The following KDM4C variants were observed in gnomAD, a reference collection of about 807,000 sequenced individuals.
KDM4C encodes the protein lysine demethylase 4C.
Under a neutral mutation model 129.3 loss-of-function variants are expected in KDM4C, and 81 were observed. The observed-to-expected ratio is 0.63, with a 90% CI of 0.52 to 0.75. The LOEUF (loss-of-function observed/expected upper bound fraction) is 0.75. Among genes scored for constraint, KDM4C ranks in the 30% least tolerant of loss-of-function variants. KDM4C has a pLI of 0.00. For synonymous variants in KDM4C, 573 were observed against 456.1 expected (o/e 1.26, Z -3.26); for missense variants, 1,457 against 1,304.0 (o/e 1.12, Z -1.81).
intron 11 of KDM4C, chr9:6,987,009 C>A (rs2146791): frequency 0.56 from 110,272 of 198,320 alleles, 31,535 homozygotes; most frequent in South Asian, 0.72. Flanking sequence ...TCAGTTTCTC[C>A]CAATGCTACC....
intron 1 of KDM4C, among the ~76,000 whole-genome samples, chr9:6,781,233 T>C (rs1270102203): frequency 1.3e-5 from 2 of 152,186 alleles, no homozygotes; most frequent in Admixed American, 1.3e-4. Context: ...ATTCTCATTA[T>C]TTGCAGTAGT....
At chr9:6,849,919 C>T (rs1838529220) in intron 5 of KDM4C, among the ~76,000 whole-genome samples, 1 of 152,184 alleles carries the variant, frequency 6.6e-6, no homozygotes. Context: ...CACTGTATAA[C>T]AATGTTTAGA....
intron 5 of KDM4C, among the ~76,000 whole-genome samples, chr9:6,870,003 C>T (rs1453151549): frequency 6.6e-6 from 1 of 152,182 alleles, no homozygotes; most frequent in Non-Finnish European, 1.5e-5. Context: ...ATAGTCGCAT[C>T]TATAAAATCC....
intron 1 of KDM4C, among the ~76,000 whole-genome samples, chr9:6,779,192 C>T (rs1823778540): frequency 6.6e-6 from 1 of 151,736 alleles, no homozygotes; most frequent in Non-Finnish European, 1.5e-5. Context: ...CCATGCCTGG[C>T]AAATTCTTTG....
intron 5 of KDM4C, among the ~76,000 whole-genome samples, chr9:6,876,318 T>C (rs1477615450): frequency 2.0e-5 from 3 of 152,194 alleles, no homozygotes; most frequent in Admixed American, 2.0e-4. Context: ...ACTCAGTTGC[T>C]GCATTCCGTG....
At chr9:6,963,094 C>T (rs1209692226) in intron 8 of KDM4C, among the ~76,000 whole-genome samples, 1 of 152,114 alleles carries the variant, frequency 6.6e-6, no homozygotes, top group African/African-American at 2.4e-5. Context: ...CATTGGTTTT[C>T]TCATCTGTTA....
intron 4 of KDM4C, among the ~76,000 whole-genome samples, chr9:6,846,512 GA>G (rs1837877427): frequency 6.6e-6 from 1 of 151,978 alleles, no homozygotes; most frequent in Non-Finnish European, 1.5e-5. Context: ...TAATAGTAGA[GA>G]ACAAAAATTG....
chr9:6,896,863 A>T (rs182034900), intron 8 of KDM4C, among the ~76,000 whole-genome samples: 44 of 152,290 alleles, frequency 2.9e-4, no homozygotes, highest in African/African-American at 1.0e-3. Flanking sequence ...GCTGTTGGCT[A>T]CTTGACTTCT....
chr9:6,783,360 C>G (rs80047025), intron 1 of KDM4C, among the ~76,000 whole-genome samples: 1 of 152,112 alleles, frequency 6.6e-6, no homozygotes, highest in Non-Finnish European at 1.5e-5. Flanking sequence ...AGGACAGATT[C>G]GTTTTTATCC....
At chr9:6,808,684 T>G (rs139790632) in intron 3 of KDM4C, among the ~76,000 whole-genome samples, 3,222 of 138,498 alleles carry the variant, frequency 0.023, 136 homozygotes, top group African/African-American at 0.079. Flanking sequence ...ACCCAAGAAT[T>G]ATCAATAAAA....
chr9:7,019,304 A>G (rs1246697867), intron 15 of KDM4C, among the ~76,000 whole-genome samples: 1 of 152,208 alleles, frequency 6.6e-6, no homozygotes, highest in Non-Finnish European at 1.5e-5. Flanking sequence ...TCATATCTTC[A>G]GTTTTACACT....
At chr9:6,859,633 C>T (rs1167310159) in intron 5 of KDM4C, among the ~76,000 whole-genome samples, 2 of 149,936 alleles carry the variant, frequency 1.3e-5, no homozygotes, top group East Asian at 1.9e-4. Context: ...GAGGCCCAGG[C>T]GGGCAGATCG....
At chr9:6,870,905 C>T (rs1842742156) in intron 5 of KDM4C, among the ~76,000 whole-genome samples, 1 of 152,142 alleles carries the variant, frequency 6.6e-6, no homozygotes, top group African/African-American at 2.4e-5. Flanking sequence ...AGGAATTCTC[C>T]CCTCTGTGGT....
intron 2 of KDM4C, among the ~76,000 whole-genome samples, chr9:6,801,058 C>G (rs1828852895): frequency 6.6e-6 from 1 of 152,024 alleles, no homozygotes; most frequent in Non-Finnish European, 1.5e-5. Context: ...GCTAACAACT[C>G]TCACTTATAA....
At chr9:7,100,443 G>A (rs775120594) in intron 17 of KDM4C, among the ~76,000 whole-genome samples, 8 of 152,038 alleles carry the variant, frequency 5.3e-5, no homozygotes, top group Non-Finnish European at 7.4e-5. Context: ...GGGTTCAAGC[G>A]ACTCTCCTGC....
chr9:6,927,406 A>T (rs1822831170), intron 8 of KDM4C, among the ~76,000 whole-genome samples: 1 of 152,200 alleles, frequency 6.6e-6, no homozygotes, highest in Non-Finnish European at 1.5e-5. Context: ...CTGGGATTAT[A>T]GGTGTGAGCT....
intron 8 of KDM4C, among the ~76,000 whole-genome samples, chr9:6,948,521 G>A (rs1827393669): frequency 7.3e-6 from 1 of 136,964 alleles, no homozygotes; most frequent in Non-Finnish European, 1.5e-5. Context: ...ATTCTTGGGT[G>A]TTTCTCGCAG....
rs138530329 is a variant in KDM4C, at chr9:6,961,185, G to T, written c.922-19740G>T. ...CTAAAGGTAATATCTAAAATTAGTT[G>T]TCCTTTATTTTAAAAGTTAAATATT... On this transcript the variant is annotated intron_variant, in intron 8 of 21. Transcript: ENST00000381309. Among the ~76,000 whole-genome samples the T allele has an allele frequency of 3.2e-3, 489 of 152,190 alleles. 1 individual carries two copies. Among genetic ancestry groups the T allele is most frequent in the African/African-American group, 0.011 (436 of 41,512 alleles).
At chr9:7,041,508 C>A (rs1210970673) in intron 15 of KDM4C, among the ~76,000 whole-genome samples, 1 of 151,336 alleles carries the variant, frequency 6.6e-6, no homozygotes, top group Non-Finnish European at 1.5e-5. Context: ...TGAATGAAAT[C>A]AACATTTTGT....
Sources: gnomAD v4.1 joint callset for allele counts (sites outside exome capture counted in the v4.1 genomes callset) on GRCh38, gnomAD v4.1.1 for gene constraint, MANE v1.5 for transcripts, NCBI Gene and HGNC (gene_info 2026-07-23, HGNC 2026-07-21) for gene names.